The following CIB2 variants were observed in gnomAD, a reference collection of about 807,000 sequenced individuals.
The protein encoded by CIB2 is calcium and integrin-binding family member 2.
CIB2 carries 19 observed loss-of-function variants against 23.1 expected under a neutral mutation model. The ratio of observed to expected loss-of-function variants is 0.82; its 90% CI spans 0.57 to 1.21. The LOEUF is 1.21. Among genes scored for constraint, CIB2 ranks in the 50% most tolerant of loss-of-function variants. The pLI is 0.00. For missense variants in CIB2, 220 were observed against 241.5 expected, an observed-to-expected ratio of 0.91 and a Z score of 0.59; for synonymous variants, 94 against 91.7, an observed-to-expected ratio of 1.03 and a Z score of -0.14.
chr15:78,113,090 TA>T (rs1422915600), intron 2 of CIB2, among the ~76,000 whole-genome samples: 1 of 152,208 alleles, frequency 6.6e-6, no homozygotes, highest in African/African-American at 2.4e-5. Flanking sequence ...TTCCCCATCC[TA>T]CACAGCCAAT....
At chr15:78,128,913 T>A (rs984134775) in intron 1 of CIB2, among the ~76,000 whole-genome samples, 1 of 152,076 alleles carries the variant, frequency 6.6e-6, no homozygotes. Flanking sequence ...ACAGGCCTTG[T>A]TCTTAACTGA....
At position 78,104,923 on chromosome 15, in the gene CIB2, C is replaced by A; in HGVS notation, c.*388G>T. The A allele has an allele frequency of 5.2e-6, 1 of 191,712 alleles. No individual in the cohort carries two copies. 11.9% of individuals were successfully genotyped at this position (191,712 alleles called of 1,614,324 possible). A position where few individuals can be genotyped will look rare whatever the true frequency, so the allele number is the denominator to read the frequency against. On this transcript the variant is annotated 3_prime_UTR_variant, in exon 6 of 6. Coordinates refer to ENST00000258930, the MANE Select transcript of CIB2 (RefSeq NM_006383.4). This position sits in a 1 kb window ranked among gnomAD's most constrained non-coding sequence, Gnocchi z 4.4. ...CCCTGACCTCTTTTTTTTTTTTCCGCTCTGTCCTGGGTGACCAGGGTGTCT... is the reference window on the plus strand; with the variant it reads ...CCCTGACCTCTTTTTTTTTTTTCCGATCTGTCCTGGGTGACCAGGGTGTCT...
At chr15:78,120,501 C>T in intron 2 of CIB2, 1 of 969,274 alleles carries the variant, frequency 1.0e-6, no homozygotes, top group Non-Finnish European at 1.2e-6. Flanking sequence ...ACAAGGACTA[C>T]TGTCCCGCTG....
At chr15:78,122,873 C>T (rs2074337705) in intron 2 of CIB2, among the ~76,000 whole-genome samples, 1 of 152,214 alleles carries the variant, frequency 6.6e-6, no homozygotes, top group Non-Finnish European at 1.5e-5. Context: ...AGGGCAGTGA[C>T]AAGCTGCAGC....
At chr15:78,116,023 G>A (rs755053588) in intron 2 of CIB2, among the ~76,000 whole-genome samples, 32 of 151,964 alleles carry the variant, frequency 2.1e-4, no homozygotes, top group East Asian at 1.9e-3. Context: ...TTGCATCTAC[G>A]CTAAACATGT....
chr15:78,109,331 C>T lies in CIB2; in HGVS notation c.250G>A (p.Gly84Arg). 6.2e-7 allele frequency: 1 copy of T among 1,614,092 alleles called. No homozygotes were observed. Among genetic ancestry groups the T allele is most frequent in the Non-Finnish European group, 8.5e-7 (1 of 1,180,018 alleles). Residue 84 changes from glycine to arginine, a missense_variant, in exon 4 of 6, where the codon GGG becomes AGG. By Grantham distance (125) the Gly-to-Arg change is moderately radical. Coordinates refer to ENST00000258930, the MANE Select transcript of CIB2 (RefSeq NM_006383.4). ...IVAAFSEDGE[G>R]NLTFNDFVDM... ...ACAAAGTCGTTGAAAGTGAGGTTCC[C>T]CTCACCATCCTCGGAAAACGCCGCC...
intron 4 of CIB2, among the ~76,000 whole-genome samples, chr15:78,107,199 C>A (rs974395652): frequency 3.3e-5 from 5 of 152,122 alleles, no homozygotes; most frequent in Non-Finnish European, 4.4e-5. Flanking sequence ...CGCACCACTG[C>A]ACTCCAGCCT....
At chr15:78,109,090 C>A in intron 4 of CIB2, 145 bp downstream of exon 4, 1 of 933,828 alleles carries the variant, frequency 1.1e-6, no homozygotes, top group Non-Finnish European at 1.6e-6. Context: ...CTTGGCCACC[C>A]CACTGGACAG....
At chr15:78,130,248 G>C (rs926916160) in intron 1 of CIB2, among the ~76,000 whole-genome samples, 3 of 152,062 alleles carry the variant, frequency 2.0e-5, no homozygotes, top group East Asian at 1.9e-4. Context: ...TCCTCTGGAG[G>C]GGGGAAAGGC....
chr15:78,105,910 C>G lies in CIB2; in HGVS notation c.371G>C (p.Cys124Ser). Residue 124 changes from cysteine (C) to serine (S), a missense_variant, in exon 5 of 6, where the codon TGC becomes TCC. Cys to Ser is a moderately radical substitution (Grantham distance 112). Coordinates refer to ENST00000258930, the MANE Select transcript of CIB2 (RefSeq NM_006383.4). The part of the protein sequence containing the change: ...IYDFNTDNFI[C>S]KEDLELTLAR... ...CAGCGTCAGCTCCAGGTCCTCCTTG[C>G]AGATGAAGTTGTCAGTGTTGAAGTC... is the stretch of plus-strand genomic sequence containing the variant. 1 of 1,614,150 alleles carries G rather than the reference C, an allele frequency of 6.2e-7. No homozygotes were observed. The highest frequency in any genetic ancestry group is 1.1e-5 in the South Asian group (1 of 91,076).
At position 78,109,309 on chromosome 15, in the gene CIB2, A is replaced by G. The variant is rs397515411; in HGVS notation, c.272T>C (p.Phe91Ser). The G allele has an allele frequency of 1.2e-5, 20 of 1,613,528 alleles. No individual in the cohort carries two copies. In the South Asian group the frequency reaches 2.2e-4, roughly 18 times the overall value. Residue 91 changes from phenylalanine (F) to serine (S), a missense_variant, in exon 4 of 6, where the codon TTT becomes TCT. Phe to Ser is a radical substitution (Grantham distance 155). Transcript: ENST00000258930. ...DGEGNLTFND[F>S]VDMFSVLCES... ...GCAGAGCACGGAAAACATGTCCACAAAGTCGTTGAAAGTGAGGTTCCCCTC... is the reference window on the plus strand; with the variant it reads ...GCAGAGCACGGAAAACATGTCCACAGAGTCGTTGAAAGTGAGGTTCCCCTC...
rs564839260 is a variant in CIB2, at chr15:78,131,324, G to A, written c.-109C>T. ...GCGGCCCTCGGCAGCCCCGCGGCTG[G>A]CAGCGGCCCACGGTGGCCGGACCCT... On this transcript the variant is annotated 5_prime_UTR_variant, in exon 1 of 6. Transcript: ENST00000258930. This position sits in a 1 kb window ranked among gnomAD's most constrained non-coding sequence, Gnocchi z 5.8. 5,874 of 902,074 alleles carry A rather than the reference G, an allele frequency of 6.5e-3. 227 individuals carry two copies. In the African/African-American group the frequency reaches 0.092, roughly 14 times the overall value. 55.9% of individuals were successfully genotyped at this position (902,074 alleles called of 1,614,324 possible).
chr15:78,121,924 C>T (rs1256388816), intron 2 of CIB2, among the ~76,000 whole-genome samples: 3 of 152,170 alleles, frequency 2.0e-5, no homozygotes, highest in African/African-American at 7.2e-5. Flanking sequence ...AATGAGACCA[C>T]GGGAGGATGG....
At chr15:78,125,133 T>C (rs1032733940) in intron 1 of CIB2, among the ~76,000 whole-genome samples, 6 of 152,116 alleles carry the variant, frequency 3.9e-5, no homozygotes, top group Non-Finnish European at 5.9e-5. Context: ...CCAGAAAGGC[T>C]CAGGCTGGGG....
intron 2 of CIB2, among the ~76,000 whole-genome samples, chr15:78,118,562 C>A (rs564165590): frequency 2.8e-5 from 4 of 145,086 alleles, no homozygotes; most frequent in African/African-American, 1.0e-4. Context: ...GCACTCCAGC[C>A]TGGGTGACAG....
At chr15:78,109,923 C>G (rs572657972) in intron 3 of CIB2, among the ~76,000 whole-genome samples, 11 of 152,100 alleles carry the variant, frequency 7.2e-5, no homozygotes, top group African/African-American at 2.7e-4. Flanking sequence ...GAAGAGCACA[C>G]AGAGGCTCTG....
chr15:78,120,308 T>G (rs896607615), intron 2 of CIB2, among the ~76,000 whole-genome samples: 2 of 152,248 alleles, frequency 1.3e-5, no homozygotes, highest in African/African-American at 2.4e-5. Context: ...CAGGTAATTT[T>G]TTTTGTCTTC....
chr15:78,105,715 G>C (rs1233364272), intron 5 of CIB2, 24 bp downstream of exon 5: 3 of 1,613,476 alleles, frequency 1.9e-6, no homozygotes. Flanking sequence ...CCCTGCCCAA[G>C]CCCGGCCCCT....
At chr15:78,113,277 T>A (rs117688007) in intron 2 of CIB2, among the ~76,000 whole-genome samples, 4,160 of 152,266 alleles carry the variant, frequency 0.027, 115 homozygotes, top group South Asian at 0.14. Context: ...TAAAAGGGTC[T>A]GAAATTACAA....
Sources: gnomAD v4.1 joint callset for allele counts (sites outside exome capture counted in the v4.1 genomes callset) on GRCh38, gnomAD v4.1.1 for gene constraint, Gnocchi (gnomAD v3.1) non-coding constraint, MANE v1.5 for transcripts, NCBI Gene and HGNC (gene_info 2026-07-23, HGNC 2026-07-21) for gene names.